ISCA2: variants seen among roughly 807,000 people sequenced by gnomAD.
ISCA2 encodes the protein iron-sulfur cluster assembly 2.
In ISCA2, 21 loss-of-function variants were observed where a neutral mutation model predicts 19.1. The ratio of observed to expected loss-of-function variants is 1.10; its 90% CI spans 0.78 to 1.59. The LOEUF is 1.59. Ranked by LOEUF, ISCA2 falls within the 40% of genes most tolerant of loss-of-function variation. The probability of loss-of-function intolerance (pLI) is 0.00; values close to 1 mark genes in which losing one functional copy is unlikely to be tolerated. For synonymous variants in ISCA2, 107 were observed against 83.8 expected (o/e 1.28, Z -1.51); for missense variants, 181 against 191.7 (o/e 0.94, Z 0.33).
chr14:74,494,084 C>T lies in ISCA2; in HGVS notation c.106C>T (p.Arg36Trp). 6.4e-7 allele frequency: 1 copy of T among 1,558,462 alleles called. No individual in the cohort carries two copies. Among genetic ancestry groups the T allele is most frequent in the Non-Finnish European group, 8.7e-7 (1 of 1,155,462 alleles). ...LTASLGPQAR[R>W]EASSSSPEAG... The stretch of plus-strand genomic sequence containing the variant: ...GGCCTCCCTGGGACCCCAGGCGCGT[C>T]GGGAGGCGTCGTCCTCCAGCCCCGA... The change falls in exon 2 of 4, where the codon CGG becomes TGG. Residue 36 changes from arginine (R) to tryptophan (W), a missense_variant. Transcript: ENST00000556816.
chr14:74,494,504 G>T (rs185504181), intron 3 of ISCA2, 114 bp downstream of exon 3: 1 of 761,822 alleles, frequency 1.3e-6, no homozygotes, highest in African/African-American at 1.7e-5. Flanking sequence ...GGTTAACACC[G>T]CCCGTCTCAC....
Position 74,496,316 on chromosome 14 carries a change from A to C in ISCA2, c.*1316A>C, listed in dbSNP as rs1414991384. The C allele has an allele frequency of 6.6e-6, 1 of 152,208 alleles. No homozygotes were observed. Among genetic ancestry groups the C allele is most frequent in the Non-Finnish European group, 1.5e-5 (1 of 68,040 alleles). 9.4% of individuals were successfully genotyped at this position (152,208 alleles called of 1,614,324 possible). ...GTCATTTAGTAAGAATTTACTATTT[A>C]AAAAAATGGAAATAGAGTTTAGAAA... On this transcript the variant is annotated 3_prime_UTR_variant, in exon 4 of 4. Coordinates refer to ENST00000556816, the MANE Select transcript of ISCA2 (RefSeq NM_194279.4).
In ISCA2 at chr14:74,495,041, A is replaced by G; in HGVS notation, c.*41A>G. ...CTCTGGGATTGTCACCAGTTGTACC[A>G]ATTTGAAGAACCTGGAATTAGTAGA... On this transcript the variant is annotated 3_prime_UTR_variant, in exon 4 of 4. Coordinates refer to ENST00000556816, the MANE Select transcript of ISCA2 (RefSeq NM_194279.4). The G allele has an allele frequency of 6.9e-7, 1 of 1,442,876 alleles. No individual in the cohort carries two copies. Among genetic ancestry groups the G allele is most frequent in the Non-Finnish European group, 9.6e-7 (1 of 1,036,398 alleles). 89.4% of individuals were successfully genotyped at this position (1,442,876 alleles called of 1,614,324 possible).
At chr14:74,494,615 A>G in intron 3 of ISCA2, 1 of 618,584 alleles carries the variant, frequency 1.6e-6, no homozygotes, top group Non-Finnish European at 2.8e-6. Context: ...GTAGAAAGTC[A>G]GGCCGGACTA....
intron 3 of ISCA2, 109 bp downstream of exon 3, chr14:74,494,499 A>AC: frequency 1.3e-6 from 1 of 786,188 alleles, no homozygotes. Flanking sequence ...GGGATGGTTA[A>AC]CACCGCCCGT....
chr14:74,494,585 C>G (rs1235960114), intron 3 of ISCA2, 195 bp downstream of exon 3: 2 of 624,958 alleles, frequency 3.2e-6, no homozygotes, highest in African/African-American at 3.7e-5. Context: ...ATTGATCTGC[C>G]CAGGTCCATT....
chr14:74,494,212 C>G (rs754859361), intron 2 of ISCA2, 60 bp downstream of exon 2: 82 of 1,580,926 alleles, frequency 5.2e-5, no homozygotes, highest in Admixed American at 6.9e-5. Flanking sequence ...GCGGGAACTG[C>G]TCTTCACTCA....
Position 74,494,857 on chromosome 14 carries a change from G to T in ISCA2, c.322G>T (p.Val108Phe). The T allele has an allele frequency of 1.2e-6, 2 of 1,614,154 alleles. No individual in the cohort carries two copies. The highest frequency in any genetic ancestry group is 1.3e-5 in the African/African-American group (1 of 75,032). The change falls in exon 4 of 4, where the codon GTT becomes TTT. Residue 108 changes from valine to phenylalanine, a missense_variant. Val to Phe is a conservative substitution (Grantham distance 50, BLOSUM62 -1). Coordinates refer to ENST00000556816, the MANE Select transcript of ISCA2 (RefSeq NM_194279.4). Reference sequence around the variant, plus strand: ...TGAACAGGGTGGGGCAAGAGTGGTGGTTGACTCTGATAGCTTGGCCTTCGT... The same window carrying T: ...TGAACAGGGTGGGGCAAGAGTGGTGTTTGACTCTGATAGCTTGGCCTTCGT... ...VFEQGGARVVVDSDSLAFVKG... is the reference protein window; with the variant it reads ...VFEQGGARVVFDSDSLAFVKG...
In ISCA2 at chr14:74,494,030, C is replaced by T. The variant is rs367827603; in HGVS notation, c.72-20C>T. 4.2e-5 allele frequency: 64 copies of T among 1,530,572 alleles called. No homozygotes were observed. The African/African-American group carries it at 7.5e-4, about 18-fold the overall frequency. 94.8% of individuals were successfully genotyped at this position (1,530,572 alleles called of 1,614,324 possible). On this transcript the variant is annotated intron_variant, in intron 1 of 3. Transcript: ENST00000556816. The stretch of plus-strand genomic sequence containing the variant: ...GGTGCCCCTTCTGCTCCCGGGCTCA[C>T]CCTCCTCCCTTGCGCGCAGGCTCCT...
At position 74,495,163 on chromosome 14, in the gene ISCA2, A is replaced by C; in HGVS notation, c.*163A>C. On this transcript the variant is annotated 3_prime_UTR_variant, in exon 4 of 4. Coordinates refer to ENST00000556816, the MANE Select transcript of ISCA2 (RefSeq NM_194279.4). ...CCACTATTATTTTCAGAATGTGAAGATTTTACTCTTGGCTTAATTTTTCCC... is the reference window on the plus strand; with the variant it reads ...CCACTATTATTTTCAGAATGTGAAGCTTTTACTCTTGGCTTAATTTTTCCC... 1 of 608,398 alleles carries C rather than the reference A, an allele frequency of 1.6e-6. No individual in the cohort carries two copies. The highest frequency in any genetic ancestry group is 3.2e-5 in the Admixed American group (1 of 31,434). 37.7% of individuals were successfully genotyped at this position (608,398 alleles called of 1,614,324 possible).
chr14:74,493,980 A>G lies in ISCA2; in HGVS notation c.72-70A>G. On this transcript the variant is annotated intron_variant, in intron 1 of 3. Coordinates refer to ENST00000556816, the MANE Select transcript of ISCA2 (RefSeq NM_194279.4). The surrounding 1 kb of genome is among the most constrained non-coding windows in gnomAD (Gnocchi z 4.1). ...GGTGGGGGTCGCCAGGTTTAGCGTG[A>G]GGCGCTCCAGGTCGAGGGTTGCAAG... 6.7e-7 allele frequency: 1 copy of G among 1,482,736 alleles called. No individual in the cohort carries two copies. The highest frequency in any genetic ancestry group is 9.2e-7 in the Non-Finnish European group (1 of 1,092,618). The allele number at this position is 1,482,736 out of a possible 1,614,324, so 91.8% of individuals were successfully genotyped here. A position where few individuals can be genotyped will look rare whatever the true frequency, so the allele number is the denominator to read the frequency against.
chr14:74,496,129 TC>T lies in ISCA2; in HGVS notation c.*1130del, dbSNP rs1429588488. The T allele has an allele frequency of 4.6e-5, 7 of 152,156 alleles. No individual in the cohort carries two copies. The highest frequency in any genetic ancestry group is 1.2e-4 in the African/African-American group (5 of 41,428). 9.4% of individuals were successfully genotyped at this position (152,156 alleles called of 1,614,324 possible). ...CTGTGTGGACAGACAGTGAAAGAAATCTACCACCATCACCACACCGAATGAT... is the reference window on the plus strand; with the variant it reads ...CTGTGTGGACAGACAGTGAAAGAAATTACCACCATCACCACACCGAATGAT... On this transcript the variant is annotated 3_prime_UTR_variant, in exon 4 of 4. Coordinates refer to ENST00000556816, the MANE Select transcript of ISCA2 (RefSeq NM_194279.4).
At position 74,494,432 on chromosome 14, in the gene ISCA2, G is replaced by A. The variant is rs550787295; in HGVS notation, c.290+42G>A. 4.2e-5 allele frequency: 58 copies of A among 1,390,064 alleles called. No homozygotes were observed. The South Asian group carries it at 6.7e-4, about 16-fold the overall frequency. 86.1% of individuals were successfully genotyped at this position (1,390,064 alleles called of 1,614,324 possible). On this transcript the variant is annotated intron_variant, in intron 3 of 3. Transcript: ENST00000556816. ...GGGCCCCCAAAGGAGGTACAGGAGG[G>A]ACAAAAGTGTCTCCAGTTTAAGGTG... is the stretch of plus-strand genomic sequence containing the variant.
chr14:74,496,191 T>C lies in ISCA2; in HGVS notation c.*1191T>C, dbSNP rs2086844705. 1 of 152,204 alleles carries C rather than the reference T, an allele frequency of 6.6e-6. No homozygotes were observed. Among genetic ancestry groups the C allele is most frequent in the Non-Finnish European group, 1.5e-5 (1 of 68,038 alleles). 9.4% of individuals were successfully genotyped at this position (152,204 alleles called of 1,614,324 possible). On this transcript the variant is annotated 3_prime_UTR_variant, in exon 4 of 4. Transcript: ENST00000556816. ...TGATGTTGGAGAAACTACAACCAAG[T>C]TGATTCTGGAAGAGTTACTGGTTAA...
At chr14:74,494,798 C>A in intron 3 of ISCA2, 28 bp from the exon 4 acceptor site, 3 of 1,609,346 alleles carry the variant, frequency 1.9e-6, no homozygotes, top group Non-Finnish European at 2.6e-6. Context: ...TTGCGATACT[C>A]CTTAATGCCT....
Position 74,493,975 on chromosome 14 carries a change from G to C in ISCA2, c.72-75G>C. 1 of 1,482,898 alleles carries C rather than the reference G, an allele frequency of 6.7e-7. No homozygotes were observed. The highest frequency in any genetic ancestry group is 1.2e-5 in the South Asian group (1 of 82,836). 91.9% of individuals were successfully genotyped at this position (1,482,898 alleles called of 1,614,324 possible). A position where few individuals can be genotyped will look rare whatever the true frequency, so the allele number is the denominator to read the frequency against. ...GTCCAGGTGGGGGTCGCCAGGTTTA[G>C]CGTGAGGCGCTCCAGGTCGAGGGTT... On this transcript the variant is annotated intron_variant, in intron 1 of 3. Coordinates refer to ENST00000556816, the MANE Select transcript of ISCA2 (RefSeq NM_194279.4). The surrounding 1 kb of genome is among the most constrained non-coding windows in gnomAD (Gnocchi z 4.1).
Position 74,493,836 on chromosome 14 carries a change from C to T in ISCA2, c.62C>T (p.Pro21Leu), listed in dbSNP as rs372853525. The T allele has an allele frequency of 2.0e-4, 313 of 1,558,704 alleles. No individual in the cohort carries two copies. Among genetic ancestry groups the T allele is most frequent in the Non-Finnish European group, 2.5e-4 (293 of 1,152,246 alleles). The change falls in exon 1 of 4, where the codon CCG becomes CTG. Residue 21 changes from proline to leucine, a missense_variant. Physicochemically the swap from Pro to Leu is moderately conservative, Grantham distance 98. Coordinates refer to ENST00000556816, the MANE Select transcript of ISCA2 (RefSeq NM_194279.4). This position sits in a 1 kb window ranked among gnomAD's most constrained non-coding sequence, Gnocchi z 4.1. ...ACGCAGAGAGCGGTCACTCCCTGGCCGAGGGGCAGGTACCAAGACTAGAAA... is the reference window on the plus strand; with the variant it reads ...ACGCAGAGAGCGGTCACTCCCTGGCTGAGGGGCAGGTACCAAGACTAGAAA... Reference protein sequence around the residue: ...AATQRAVTPWPRGRLLTASLG... With the variant: ...AATQRAVTPWLRGRLLTASLG...
At position 74,495,786 on chromosome 14, in the gene ISCA2, T is replaced by A; in HGVS notation, c.*786T>A. 1 of 152,238 alleles carries A rather than the reference T, an allele frequency of 6.6e-6. No homozygotes were observed. Among genetic ancestry groups the A allele is most frequent in the East Asian group, 1.9e-4 (1 of 5,206 alleles). The allele number at this position is 152,238 out of a possible 1,614,324, so 9.4% of individuals were successfully genotyped here. On this transcript the variant is annotated 3_prime_UTR_variant, in exon 4 of 4. Coordinates refer to ENST00000556816, the MANE Select transcript of ISCA2 (RefSeq NM_194279.4). ...CATGCACAGCAGGAAGTGATCCCTT[T>A]ATTGTTATAGGTAATAGATTCTTGG...
rs1345043519 is a variant in ISCA2, at chr14:74,493,894, C to G, written c.71+49C>G. ...GGAAAGGGTGTTTGGTTCTGCGCCTCTAGGACAAATGGGAAACTAAGGCCT... is the reference window on the plus strand; with the variant it reads ...GGAAAGGGTGTTTGGTTCTGCGCCTGTAGGACAAATGGGAAACTAAGGCCT... On this transcript the variant is annotated intron_variant, in intron 1 of 3. Transcript: ENST00000556816. This position sits in a 1 kb window ranked among gnomAD's most constrained non-coding sequence, Gnocchi z 4.1. The G allele has an allele frequency of 2.0e-6, 3 of 1,527,748 alleles. No homozygotes were observed. The highest frequency in any genetic ancestry group is 2.0e-5 in the Admixed American group (1 of 50,160). 94.6% of individuals were successfully genotyped at this position (1,527,748 alleles called of 1,614,324 possible).
Sources: allele counts gnomAD v4.1 joint callset, GRCh38; gene constraint gnomAD v4.1.1; non-coding constraint Gnocchi (gnomAD v3.1); transcripts MANE v1.5; gene names NCBI Gene and HGNC (gene_info 2026-07-23, HGNC 2026-07-21).